Variants in PAX5 observed in about 807,000 individuals in gnomAD.
PAX5 encodes the protein paired box 5, also known as paired box protein Pax-5.
In PAX5, 9 loss-of-function variants were observed where a neutral mutation model predicts 43.7. The ratio of observed to expected loss-of-function variants is 0.21; its 90% CI spans 0.12 to 0.36. The LOEUF (loss-of-function observed/expected upper bound fraction) is 0.36, where lower values mean the gene tolerates loss of function less well. Among genes scored for constraint, PAX5 ranks in the 10% least tolerant of loss-of-function variants. PAX5 has a pLI of 1.00. For synonymous variants in PAX5, 228 were observed against 214.3 expected (o/e 1.06, Z -0.56); for missense variants, 383 against 532.7 (o/e 0.72, Z 2.77).
At chr9:36,841,674 T>A (rs1462354022) in intron 9 of PAX5, among the ~76,000 whole-genome samples, 1 of 152,188 alleles carries the variant, frequency 6.6e-6, no homozygotes, top group African/African-American at 2.4e-5. Flanking sequence ...GGATTGGACA[T>A]GTAAATGAAC....
At chr9:36,958,246 T>C (rs899051584) in intron 6 of PAX5, among the ~76,000 whole-genome samples, 1 of 151,932 alleles carries the variant, frequency 6.6e-6, no homozygotes. Context: ...ATTGCCTCAC[T>C]GGTCTACCCA....
intron 5 of PAX5, among the ~76,000 whole-genome samples, chr9:36,974,448 G>A (rs1835253906): frequency 1.3e-5 from 2 of 152,298 alleles, no homozygotes; most frequent in Admixed American, 6.5e-5. Context: ...TCTCTATGAA[G>A]TATGTATTCT....
At chr9:36,861,388 T>A (rs977810743) in intron 8 of PAX5, 1 of 150,306 alleles carries the variant, frequency 6.7e-6, no homozygotes, top group African/African-American at 2.5e-5. Flanking sequence ...CTCATGGAGC[T>A]TATATTCCAG....
At chr9:36,917,284 CA>C (rs202094631) in intron 7 of PAX5, among the ~76,000 whole-genome samples, 1 of 152,108 alleles carries the variant, frequency 6.6e-6, no homozygotes, top group East Asian at 1.9e-4. Flanking sequence ...TTCTTAGCAC[CA>C]ATCTTCTAGA....
intron 6 of PAX5, among the ~76,000 whole-genome samples, chr9:36,935,927 G>A (rs1289378496): frequency 6.6e-6 from 1 of 152,206 alleles, no homozygotes; most frequent in East Asian, 1.9e-4. Flanking sequence ...GGGGCCCCAG[G>A]GCCTCCACTC....
chr9:36,929,119 A>T (rs1351185851), intron 6 of PAX5, among the ~76,000 whole-genome samples: 1 of 152,194 alleles, frequency 6.6e-6, no homozygotes, highest in Non-Finnish European at 1.5e-5. Context: ...CTTAACTTAG[A>T]TACACATACT....
intron 6 of PAX5, among the ~76,000 whole-genome samples, chr9:36,932,777 T>C (rs1027455280): frequency 4.6e-5 from 7 of 152,028 alleles, no homozygotes; most frequent in Admixed American, 3.9e-4. Context: ...GGGGGAGGGA[T>C]ATCAGTGCAA....
intron 7 of PAX5, among the ~76,000 whole-genome samples, chr9:36,921,044 C>T (rs1019482364): frequency 6.6e-6 from 1 of 152,160 alleles, no homozygotes; most frequent in African/African-American, 2.4e-5. Flanking sequence ...AACCCCTGAC[C>T]TCAGGTGATC....
chr9:36,859,483 C>G (rs1823989315), intron 8 of PAX5, among the ~76,000 whole-genome samples: 1 of 152,144 alleles, frequency 6.6e-6, no homozygotes, highest in African/African-American at 2.4e-5. Flanking sequence ...CCCCTGCCAG[C>G]CTCAGGGTCT....
intron 7 of PAX5, among the ~76,000 whole-genome samples, chr9:36,906,986 A>C (rs1326232346): frequency 6.6e-6 from 1 of 152,202 alleles, no homozygotes; most frequent in Non-Finnish European, 1.5e-5. Context: ...CAGCATCTGC[A>C]CACAGGACTG....
intron 6 of PAX5, among the ~76,000 whole-genome samples, chr9:36,928,910 G>GT (rs200206460): frequency 6.6e-6 from 1 of 152,268 alleles, no homozygotes; most frequent in East Asian, 1.9e-4. Flanking sequence ...CACCAGTAAA[G>GT]TGTTTCCCCT....
intron 8 of PAX5, among the ~76,000 whole-genome samples, chr9:36,859,435 C>T (rs547124776): frequency 6.6e-5 from 10 of 152,258 alleles, no homozygotes; most frequent in Non-Finnish European, 1.5e-4. Context: ...CTGGTCACTC[C>T]TCTGGCTGAA....
chr9:36,978,233 T>C (rs913304585), intron 5 of PAX5, among the ~76,000 whole-genome samples: 15 of 152,224 alleles, frequency 9.9e-5, no homozygotes, highest in Non-Finnish European at 1.8e-4. Context: ...CATTACCTCA[T>C]ACAGTAGTCC....
At chr9:36,872,100 G>T (rs1003007360) in intron 8 of PAX5, among the ~76,000 whole-genome samples, 1 of 152,248 alleles carries the variant, frequency 6.6e-6, no homozygotes, top group South Asian at 2.1e-4. Context: ...CCTCCCAGGT[G>T]CACAAGCCCC....
chr9:36,908,923 A>G (rs888798397), intron 7 of PAX5, among the ~76,000 whole-genome samples: 4 of 152,252 alleles, frequency 2.6e-5, no homozygotes, highest in African/African-American at 9.6e-5. Flanking sequence ...GCTACACTTT[A>G]CACAAATATT....
chr9:36,862,387 C>G (rs1362945341), intron 8 of PAX5, among the ~76,000 whole-genome samples: 1 of 152,142 alleles, frequency 6.6e-6, no homozygotes, highest in African/African-American at 2.4e-5. Context: ...AGCAGTCCGG[C>G]CTTCCTATTT....
At chr9:36,855,505 A>ACC (rs34644586) in intron 8 of PAX5, among the ~76,000 whole-genome samples, 10 of 151,900 alleles carry the variant, frequency 6.6e-5, no homozygotes, top group Non-Finnish European at 1.0e-4. Flanking sequence ...TGTACAAATG[A>ACC]CCCCCCTGAA....
At chr9:36,874,989 G>A (rs998883575) in intron 8 of PAX5, among the ~76,000 whole-genome samples, 2 of 152,060 alleles carry the variant, frequency 1.3e-5, no homozygotes, top group Admixed American at 6.5e-5. Context: ...TTTTATACAC[G>A]AGGAGGAAAC....
rs537113881 is a variant in PAX5 at position 36,888,921 on chromosome 9, G to T, written c.911-6816C>A. Among the ~76,000 whole-genome samples, 13 of 152,344 alleles carry T rather than the reference G, an allele frequency of 8.5e-5. No homozygotes were observed. In the South Asian group the frequency reaches 2.7e-3, roughly 32 times the overall value. On this transcript the variant is annotated intron_variant, in intron 7 of 9. Transcript: ENST00000358127. The stretch of plus-strand genomic sequence containing the variant: ...TGGAGTTTGGAGTCACACAGGCCTG[G>T]CTTCAAATCTTAGCTCCACCACTTA...
Sources: allele counts gnomAD v4.1 joint callset (sites outside exome capture counted in the v4.1 genomes callset), GRCh38; gene constraint gnomAD v4.1.1; transcripts MANE v1.5; gene names NCBI Gene and HGNC (gene_info 2026-07-23, HGNC 2026-07-21).